Variants in GRID2 observed in about 807,000 individuals in gnomAD.
GRID2 encodes glutamate receptor ionotropic, delta-2.
GRID2 carries 33 observed loss-of-function variants against 114.8 expected under a neutral mutation model. That is an observed-to-expected ratio of 0.29 (90% CI 0.22 to 0.38). GRID2 has a LOEUF of 0.38. Among genes scored for constraint, GRID2 ranks in the 10% least tolerant of loss-of-function variants. The pLI, the probability that GRID2 is intolerant of heterozygous loss-of-function variation, is 1.00. For missense variants in GRID2, 1,184 were observed against 1,257.7 expected (o/e 0.94, Z 0.89); for synonymous variants, 505 against 449.9 (o/e 1.12, Z -1.55).
intron 14 of GRID2, among the ~76,000 whole-genome samples, chr4:93,764,675 T>G (rs1283622718): frequency 6.6e-6 from 1 of 152,180 alleles, no homozygotes; most frequent in African/African-American, 2.4e-5. Context: ...AAAAGAGATT[T>G]TAGCCGTTAG....
chr4:92,628,840 C>T (rs1730652307), intron 2 of GRID2, among the ~76,000 whole-genome samples: 1 of 152,112 alleles, frequency 6.6e-6, no homozygotes, highest in South Asian at 2.1e-4. Context: ...AAATTGGTTG[C>T]TATGATTCCT....
intron 7 of GRID2, among the ~76,000 whole-genome samples, chr4:93,232,487 T>C (rs1245910066): frequency 6.6e-6 from 1 of 150,908 alleles, no homozygotes; most frequent in Non-Finnish European, 1.5e-5. Context: ...TTGATATATG[T>C]TGAGCCCAAC....
chr4:93,187,127 C>T (rs1361236594), intron 4 of GRID2, among the ~76,000 whole-genome samples: 2 of 152,144 alleles, frequency 1.3e-5, no homozygotes, highest in African/African-American at 4.8e-5. Context: ...GCCCCACCTT[C>T]TCATATGGTC....
chr4:92,551,941 A>G (rs780253798), intron 1 of GRID2, among the ~76,000 whole-genome samples: 2 of 152,116 alleles, frequency 1.3e-5, no homozygotes, highest in African/African-American at 2.4e-5. Context: ...AGAGCTGAGG[A>G]AAGTCAGTTA....
At chr4:93,419,843 A>C (rs1225897718) in intron 9 of GRID2, among the ~76,000 whole-genome samples, 1 of 152,142 alleles carries the variant, frequency 6.6e-6, no homozygotes, top group Non-Finnish European at 1.5e-5. Context: ...CATTTAGTAC[A>C]CTAAATAATT....
chr4:93,756,158 A>T (rs369601904), intron 14 of GRID2, among the ~76,000 whole-genome samples: 22 of 152,126 alleles, frequency 1.4e-4, no homozygotes, highest in South Asian at 6.2e-4. Context: ...TAACGAGGAG[A>T]AGAAGAAGCA....
chr4:93,346,455 TC>T (rs1400116260), intron 8 of GRID2, among the ~76,000 whole-genome samples: 1 of 152,170 alleles, frequency 6.6e-6, no homozygotes, highest in Non-Finnish European at 1.5e-5. Flanking sequence ...CATCTTCTTT[TC>T]CCCCTTCTCT....
chr4:93,476,991 A>G (rs934823896), intron 11 of GRID2, among the ~76,000 whole-genome samples: 21 of 152,252 alleles, frequency 1.4e-4, no homozygotes, highest in Non-Finnish European at 2.4e-4. Context: ...GTTTCACTAT[A>G]AGAAAATATC....
At chr4:93,587,418 A>G (rs1391020910) in intron 13 of GRID2, among the ~76,000 whole-genome samples, 1 of 152,166 alleles carries the variant, frequency 6.6e-6, no homozygotes, top group Non-Finnish European at 1.5e-5. Flanking sequence ...TAATACTATC[A>G]TGAAAATACC....
intron 13 of GRID2, among the ~76,000 whole-genome samples, chr4:93,597,176 C>G (rs1363062130): frequency 2.0e-5 from 3 of 152,086 alleles, no homozygotes; most frequent in Admixed American, 2.0e-4. Flanking sequence ...ATTAAACAAA[C>G]AATAACAACA....
chr4:93,039,678 T>C (rs1725302424), intron 2 of GRID2, among the ~76,000 whole-genome samples: 1 of 152,066 alleles, frequency 6.6e-6, no homozygotes, highest in Non-Finnish European at 1.5e-5. Flanking sequence ...AGCTATCTTA[T>C]GCAAATATGA....
At chr4:92,828,566 G>C (rs766920498) in intron 2 of GRID2, among the ~76,000 whole-genome samples, 2 of 151,990 alleles carry the variant, frequency 1.3e-5, no homozygotes, top group Non-Finnish European at 2.9e-5. Flanking sequence ...TTGCTTTATA[G>C]CCCTGAAGAA....
At chr4:92,686,053 AAAG>A (rs1432907304) in intron 2 of GRID2, among the ~76,000 whole-genome samples, 2 of 152,076 alleles carry the variant, frequency 1.3e-5, no homozygotes, top group Admixed American at 6.5e-5. Flanking sequence ...TCTGGAGAAA[AAAG>A]AAGCTGAATG....
intron 2 of GRID2, among the ~76,000 whole-genome samples, chr4:92,671,943 A>G (rs1733096432): frequency 6.6e-6 from 1 of 152,144 alleles, no homozygotes; most frequent in South Asian, 2.1e-4. Context: ...ATACTCTTAC[A>G]TACTGATTGC....
At chr4:93,373,570 A>G (rs904768271) in intron 8 of GRID2, among the ~76,000 whole-genome samples, 19 of 152,178 alleles carry the variant, frequency 1.2e-4, no homozygotes, top group African/African-American at 4.6e-4. Context: ...TTTTAAAATT[A>G]ATGTATCATG....
rs10684978 is a variant in GRID2 at position 93,140,160 on chromosome 4, C to CTTTT, written c.735+29220_735+29223dup. ...CATATCATTTTCTTTCTTTTCTTTTCTTTTTTTTTTTTTTTTGAGACTGAG... is the reference window on the plus strand; with the variant it reads ...CATATCATTTTCTTTCTTTTCTTTTCTTTTTTTTTTTTTTTTTTTTGAGACTGAG... On this transcript the variant is annotated intron_variant, in intron 4 of 15. Transcript: ENST00000282020. Among the ~76,000 whole-genome samples, 716 of 128,228 alleles carry CTTTT rather than the reference C, an allele frequency of 5.6e-3. 29 individuals carry two copies. Among genetic ancestry groups the CTTTT allele is most frequent in the African/African-American group, 0.02 (670 of 33,354 alleles). The allele number at this position is 128,228 out of a possible 152,430, so 84.1% of individuals were successfully genotyped here.
At chr4:93,129,329 C>T (rs1230364729) in intron 4 of GRID2, among the ~76,000 whole-genome samples, 1 of 152,070 alleles carries the variant, frequency 6.6e-6, no homozygotes, top group African/African-American at 2.4e-5. Context: ...CTCCAACTAG[C>T]TTAATGTTGA....
chr4:92,753,471 A>G (rs1246450976), intron 2 of GRID2, among the ~76,000 whole-genome samples: 1 of 152,222 alleles, frequency 6.6e-6, no homozygotes. Context: ...TGATCTTACT[A>G]AAAGCATCCT....
chr4:92,362,692 A>G (rs1481625029), intron 1 of GRID2, among the ~76,000 whole-genome samples: 1 of 152,086 alleles, frequency 6.6e-6, no homozygotes, highest in Non-Finnish European at 1.5e-5. Flanking sequence ...GAAGTTAAAA[A>G]GGATATTTTT....
Sources: allele counts gnomAD v4.1 joint callset (sites outside exome capture counted in the v4.1 genomes callset), GRCh38; gene constraint gnomAD v4.1.1; transcripts MANE v1.5; gene names NCBI Gene and HGNC (gene_info 2026-07-23, HGNC 2026-07-21).